OPTN: variants seen among roughly 807,000 people sequenced by gnomAD.
OPTN encodes the protein E3-14.7K-interacting protein.
A neutral mutation model predicts 70.4 loss-of-function variants in OPTN; 54 were observed. That is an observed-to-expected ratio of 0.77 (90% confidence interval 0.62 to 0.96). OPTN has a LOEUF of 0.96. OPTN is among the 40% of genes least tolerant of loss of function. OPTN has a pLI of 0.00. For missense variants in OPTN, 624 were observed against 673.2 expected, an observed-to-expected ratio of 0.93 and a Z score of 0.81; for synonymous variants, 256 against 248.5, an observed-to-expected ratio of 1.03 and a Z score of -0.28.
chr10:13,101,175 G>A (rs939974934), intron 1 of OPTN, among the ~76,000 whole-genome samples: 8 of 152,322 alleles, frequency 5.3e-5, no homozygotes, highest in Admixed American at 1.3e-4. Flanking sequence ...CAAGGCCAGG[G>A]ATTGCCCTGG....
intron 6 of OPTN, among the ~76,000 whole-genome samples, chr10:13,118,387 C>T (rs940090020): frequency 1.3e-5 from 2 of 152,206 alleles, no homozygotes; most frequent in African/African-American, 2.4e-5. Context: ...ACAGAGCCTC[C>T]ATTTCTCTGC....
intron 1 of OPTN, among the ~76,000 whole-genome samples, chr10:13,105,522 G>T (rs116697415): frequency 2.6e-5 from 4 of 152,052 alleles, no homozygotes; most frequent in African/African-American, 7.3e-5. Flanking sequence ...TATAAAATCC[G>T]GGCAATGTGA....
chr10:13,127,839 A>C lies in OPTN; in HGVS notation c.1337A>C (p.Glu446Ala). 1 of 1,614,186 alleles carries C rather than the reference A, an allele frequency of 6.2e-7. No homozygotes were observed. The highest frequency in any genetic ancestry group is 8.5e-7 in the Non-Finnish European group (1 of 1,180,028). Reference protein sequence around the residue: ...ALASKQLQMDEMKQTIAKQEE... With the variant: ...ALASKQLQMDAMKQTIAKQEE... ...GCTTCCAAACAGCTGCAAATGGATG[A>C]AATGAAGCAAACCATTGCCAAGCAG... The change falls in exon 12 of 15, where the codon GAA becomes GCA. Residue 446 changes from glutamate to alanine, a missense_variant. Glu to Ala is a moderately radical substitution (Grantham distance 107). Coordinates refer to ENST00000378747, the MANE Select transcript of OPTN (RefSeq NM_001008212.2).
At position 13,116,323 on chromosome 10, in the gene OPTN, AAC is replaced by A; in HGVS notation, c.611_612del (p.Thr204SerfsTer9). The A allele has an allele frequency of 1.2e-6, 2 of 1,613,492 alleles. No homozygotes were observed. Among genetic ancestry groups the A allele is most frequent in the Non-Finnish European group, 1.7e-6 (2 of 1,179,470 alleles). ...TCAAGCATAGTCCTGGGCCCACGAG[AAC>A]AGTCTCCACTGGCACGTATGTGAAG... ...EIKHSPGPTR[T>X]VSTGTALSKY... is the part of the protein sequence containing the mutation. On this transcript the variant is annotated frameshift_variant, in exon 6 of 15. Transcript: ENST00000378747. LOFTEE classifies it high-confidence loss of function.
At chr10:13,109,721 G>A (rs1286207415) in intron 3 of OPTN, 1 of 170,590 alleles carries the variant, frequency 5.9e-6, no homozygotes, top group African/African-American at 2.5e-5. Flanking sequence ...TCTGGTCCTA[G>A]CTACTGGGGA....
At chr10:13,114,119 A>G (rs897952238) in intron 5 of OPTN, among the ~76,000 whole-genome samples, 2 of 152,038 alleles carry the variant, frequency 1.3e-5, no homozygotes, top group Admixed American at 6.6e-5. Context: ...GAAGAGAAAA[A>G]TGTACATTGT....
intron 7 of OPTN, among the ~76,000 whole-genome samples, chr10:13,120,570 CA>C (rs757531804): frequency 0.095 from 7,153 of 75,338 alleles, 261 homozygotes; most frequent in African/African-American, 0.21. Flanking sequence ...GACTCTGTCT[CA>C]AAAAAAAAAA....
At chr10:13,110,179 GAGCCATGTGGTCA>G in intron 3 of OPTN, 82 bp from the exon 4 acceptor site, 1 of 1,564,772 alleles carries the variant, frequency 6.4e-7, no homozygotes, top group Non-Finnish European at 8.7e-7. Context: ...TTTCAATTCA[GAGCCATGTGGTCA>G]AGTGGACTAG....
intron 14 of OPTN, among the ~76,000 whole-genome samples, chr10:13,135,759 A>G (rs1426273830): frequency 6.6e-6 from 1 of 152,126 alleles, no homozygotes; most frequent in Non-Finnish European, 1.5e-5. Context: ...TTCTTTCTCC[A>G]CATTCCCTTC....
intron 3 of OPTN, 109 bp downstream of exon 3, chr10:13,109,397 T>A: frequency 9.1e-7 from 1 of 1,093,970 alleles, no homozygotes; most frequent in Non-Finnish European, 1.4e-6. Flanking sequence ...TTTCCATAGG[T>A]GGTAGCTGGT....
At chr10:13,122,868 G>C (rs991267188) in intron 8 of OPTN, 1 of 291,082 alleles carries the variant, frequency 3.4e-6, no homozygotes, top group Non-Finnish European at 6.7e-6. Flanking sequence ...ATACAGACAG[G>C]GTTTCACCAT....
At chr10:13,106,921 G>C (rs1474599838) in intron 1 of OPTN, among the ~76,000 whole-genome samples, 3 of 152,126 alleles carry the variant, frequency 2.0e-5, no homozygotes, top group African/African-American at 4.8e-5. Context: ...GTGGCTGATG[G>C]ATCTCATTGA....
upstream of OPTN, chr10:13,100,094 G>T (rs1832704288): frequency 6.6e-6 from 1 of 152,410 alleles, no homozygotes; most frequent in South Asian, 2.0e-4. Context: ...CGCGGGCAGG[G>T]AGCGGCTGGC....
At chr10:13,115,426 A>T (rs1265073276) in intron 5 of OPTN, among the ~76,000 whole-genome samples, 2 of 106,960 alleles carry the variant, frequency 1.9e-5, no homozygotes, top group Non-Finnish European at 3.4e-5. Flanking sequence ...TAGAATATAT[A>T]TAATATAGAA....
intron 7 of OPTN, among the ~76,000 whole-genome samples, chr10:13,119,520 T>C (rs760297282): frequency 6.6e-6 from 1 of 152,232 alleles, no homozygotes; most frequent in Non-Finnish European, 1.5e-5. Flanking sequence ...GAACAGTGTG[T>C]ACAAGTTTTT....
rs557678153 is a variant in OPTN, at chr10:13,126,017, T to C, written c.1220T>C (p.Ile407Thr). Residue 407 changes from isoleucine (I) to threonine (T), a missense_variant, in exon 11 of 15, where the codon ATT becomes ACT. Transcript: ENST00000378747. ...LQEHNNALKT[I>T]EELTRKESEK... ...GAACATAATAATGCATTGAAAACAATTGAGGAACTAACAAGAAAAGAGGTA... is the reference window on the plus strand; with the variant it reads ...GAACATAATAATGCATTGAAAACAACTGAGGAACTAACAAGAAAAGAGGTA... 1.9e-5 allele frequency: 30 copies of C among 1,610,300 alleles called. No homozygotes were observed. In the East Asian group the frequency reaches 3.6e-4, roughly 19 times the overall value.
intron 1 of OPTN, among the ~76,000 whole-genome samples, chr10:13,105,202 A>G (rs1253960705): frequency 1.3e-5 from 2 of 152,214 alleles, no homozygotes; most frequent in African/African-American, 4.8e-5. Context: ...GAATTACAAA[A>G]TATTTTTTCT....
At chr10:13,104,425 CTTTTTT>C (rs34844442) in intron 1 of OPTN, 53 of 148,322 alleles carry the variant, frequency 3.6e-4, no homozygotes, top group Middle Eastern at 2.7e-3. Context: ...CACCCAGCTA[CTTTTTT>C]TTTTTTTTTT....
In OPTN at chr10:13,116,263, A is replaced by C. The variant is rs780500699; in HGVS notation, c.553-4A>C. 5 of 1,595,170 alleles carry C rather than the reference A, an allele frequency of 3.1e-6. No individual in the cohort carries two copies. The East Asian group carries it at 1.1e-4, about 36-fold the overall frequency. ...TTAAATCCCTTGCATTTCTGTTTTC[A>C]CAGGAAGGAGAAGCAGAAGGGTCAG... On this transcript the variant is annotated splice_region_variant and splice_polypyrimidine_tract_variant and intron_variant, in intron 5 of 14. Coordinates refer to ENST00000378747, the MANE Select transcript of OPTN (RefSeq NM_001008212.2).
Sources: gnomAD v4.1 joint callset for allele counts (sites outside exome capture counted in the v4.1 genomes callset) on GRCh38, gnomAD v4.1.1 for gene constraint, MANE v1.5 for transcripts, NCBI Gene and HGNC (gene_info 2026-07-23, HGNC 2026-07-21) for gene names.